Variants in NET1 observed in about 807,000 individuals in gnomAD.
NET1 encodes the protein neuroepithelial cell-transforming gene 1 protein.
NET1 carries 42 observed loss-of-function variants against 61.1 expected under a neutral mutation model. The ratio of observed to expected loss-of-function variants is 0.69; its 90% CI spans 0.54 to 0.89. The LOEUF (loss-of-function observed/expected upper bound fraction) is 0.89, where lower values mean the gene tolerates loss of function less well. Among genes scored for constraint, NET1 ranks in the 40% least tolerant of loss-of-function variants. The pLI is 0.00. For missense variants in NET1, 654 were observed against 747.3 expected, an observed-to-expected ratio of 0.88 and a Z score of 1.46; for synonymous variants, 254 against 281.8, an observed-to-expected ratio of 0.90 and a Z score of 0.99.
At chr10:5,418,877 T>C (rs144183987) in intron 1 of NET1, among the ~76,000 whole-genome samples, 1,791 of 152,350 alleles carry the variant, frequency 0.012, 19 homozygotes, top group Non-Finnish European at 0.017. Flanking sequence ...TTCACTATCA[T>C]TAATCTCAAA....
intron 3 of NET1, among the ~76,000 whole-genome samples, chr10:5,436,544 A>G (rs1251950911): frequency 6.6e-6 from 1 of 151,724 alleles, no homozygotes; most frequent in Non-Finnish European, 1.5e-5. Context: ...CCTGGGGGTT[A>G]TATTTTGAGT....
Position 5,452,926 on chromosome 10 carries a change from T to G in NET1, c.594+6T>G. ...ATCTCAAACTTGCAAGAAAGGTCAG[T>G]AAATAACTTTTTATCAGATGCCCTA... On this transcript the variant is annotated splice_donor_region_variant and intron_variant, in intron 6 of 11. Coordinates refer to ENST00000355029, the MANE Select transcript of NET1 (RefSeq NM_001047160.3). The surrounding 1 kb of genome is among the most constrained non-coding windows in gnomAD (Gnocchi z 4.0). 1 of 1,589,778 alleles carries G rather than the reference T, an allele frequency of 6.3e-7. No homozygotes were observed. The highest frequency in any genetic ancestry group is 8.6e-7 in the Non-Finnish European group (1 of 1,158,416).
In NET1 at chr10:5,416,376, C is replaced by G. The variant is rs951824648; in HGVS notation, c.128+3556C>G. On this transcript the variant is annotated intron_variant, in intron 1 of 11. Transcript: ENST00000355029. The surrounding 1 kb of genome is among the most constrained non-coding windows in gnomAD (Gnocchi z 6.1). ...TTTTCCCAAGATTGTTGTGGCTATC[C>G]TGGGTCTCCTGCAATTCTATGTGAA... 6.6e-6 allele frequency among the ~76,000 whole-genome samples: 1 copy of G among 152,086 alleles called. No homozygotes were observed. Among genetic ancestry groups the G allele is most frequent in the Non-Finnish European group, 1.5e-5 (1 of 68,006 alleles).
rs1832278025 is a variant in NET1 at position 5,427,629 on chromosome 10, CCTTGGGA to C, written c.195+909_195+915del. 1.3e-5 allele frequency among the ~76,000 whole-genome samples: 2 copies of C among 152,094 alleles called. No individual in the cohort carries two copies. The highest frequency in any genetic ancestry group is 2.9e-5 in the Non-Finnish European group (2 of 67,998). ...AATTTTCTGTATCTTCTGGGTATGACCTTGGGATCAGTAAAATATTTCTTGAGTTCCA... is the reference window on the plus strand; with the variant it reads ...AATTTTCTGTATCTTCTGGGTATGACTCAGTAAAATATTTCTTGAGTTCCA... On this transcript the variant is annotated intron_variant, in intron 2 of 11. Coordinates refer to ENST00000355029, the MANE Select transcript of NET1 (RefSeq NM_001047160.3). This position sits in a 1 kb window ranked among gnomAD's most constrained non-coding sequence, Gnocchi z 4.1.
At position 5,441,768 on chromosome 10, in the gene NET1, T is replaced by C. The variant is rs1239131224; in HGVS notation, c.256-10062T>C. Among the ~76,000 whole-genome samples, 2 of 152,244 alleles carry C rather than the reference T, an allele frequency of 1.3e-5. No individual in the cohort carries two copies. The highest frequency in any genetic ancestry group is 4.8e-5 in the African/African-American group (2 of 41,466). On this transcript the variant is annotated intron_variant, in intron 3 of 11. Transcript: ENST00000355029. The surrounding 1 kb of genome is among the most constrained non-coding windows in gnomAD (Gnocchi z 4.6). ...AGATTCAAATCACATATAACTTCATTACTAATTTCTTTCGTACTTATCCAG... is the reference window on the plus strand; with the variant it reads ...AGATTCAAATCACATATAACTTCATCACTAATTTCTTTCGTACTTATCCAG...
intron 3 of NET1, among the ~76,000 whole-genome samples, chr10:5,433,663 A>G (rs1244272227): frequency 2.0e-5 from 3 of 152,184 alleles, no homozygotes; most frequent in African/African-American, 7.2e-5. Flanking sequence ...GGCATAAACT[A>G]TGTCTTTTCA....
chr10:5,449,197 C>T lies in NET1; in HGVS notation c.256-2633C>T, dbSNP rs192817714. ...CTTTACATTTCATAATCACACTTTT[C>T]GTTATTTTAGTCATTAAAATTGTTC... is the stretch of plus-strand genomic sequence containing the variant. On this transcript the variant is annotated intron_variant, in intron 3 of 11. Coordinates refer to ENST00000355029, the MANE Select transcript of NET1 (RefSeq NM_001047160.3). This position sits in a 1 kb window ranked among gnomAD's most constrained non-coding sequence, Gnocchi z 4.4. 1.6e-4 allele frequency among the ~76,000 whole-genome samples: 24 copies of T among 152,138 alleles called. No individual in the cohort carries two copies. The highest frequency in any genetic ancestry group is 5.5e-4 in the African/African-American group (23 of 41,504).
At chr10:5,450,575 T>G (rs993050063) in intron 3 of NET1, among the ~76,000 whole-genome samples, 25 of 152,168 alleles carry the variant, frequency 1.6e-4, no homozygotes, top group Non-Finnish European at 3.5e-4. Flanking sequence ...AAGTTGCTTC[T>G]TCTGTTATTT....
chr10:5,453,733 A>C lies in NET1; in HGVS notation c.768+173A>C, dbSNP rs1037077666. 6.6e-6 allele frequency among the ~76,000 whole-genome samples: 1 copy of C among 152,200 alleles called. No individual in the cohort carries two copies. The highest frequency in any genetic ancestry group is 2.4e-5 in the African/African-American group (1 of 41,440). ...GAAGTTACAGTCTGTTTAAAAAAAA[A>C]AAAAAACACCTTCATTAATGCTATA... is the stretch of plus-strand genomic sequence containing the variant. On this transcript the variant is annotated intron_variant, in intron 8 of 11. Transcript: ENST00000355029. This position sits in a 1 kb window ranked among gnomAD's most constrained non-coding sequence, Gnocchi z 4.9.
chr10:5,448,548 G>A (rs915236553), intron 3 of NET1, among the ~76,000 whole-genome samples: 2 of 152,148 alleles, frequency 1.3e-5, no homozygotes, highest in Non-Finnish European at 2.9e-5. Context: ...TTATGTTAGA[G>A]AGTGTTGGAC....
rs927380015 is a variant in NET1, at chr10:5,458,727, G to A, written c.*1733G>A. ...GGATAGGATAGTAAGGGTAGTAGTG[G>A]CAAAGGATCCTGATTAATTTCAGAT... is the stretch of plus-strand genomic sequence containing the variant. On this transcript the variant is annotated 3_prime_UTR_variant, in exon 12 of 12. Coordinates refer to ENST00000355029, the MANE Select transcript of NET1 (RefSeq NM_001047160.3). The surrounding 1 kb of genome is among the most constrained non-coding windows in gnomAD (Gnocchi z 4.5). 6.6e-6 allele frequency among the ~76,000 whole-genome samples: 1 copy of A among 152,200 alleles called. No homozygotes were observed. Among genetic ancestry groups the A allele is most frequent in the African/African-American group, 2.4e-5 (1 of 41,444 alleles).
At position 5,457,662 on chromosome 10, in the gene NET1, A is replaced by G. The variant is rs1335229723; in HGVS notation, c.*668A>G. 2 of 152,400 alleles carry G rather than the reference A, an allele frequency of 1.3e-5. No individual in the cohort carries two copies. Among genetic ancestry groups the G allele is most frequent in the African/African-American group, 4.8e-5 (2 of 41,384 alleles). 9.4% of individuals were successfully genotyped at this position (152,400 alleles called of 1,614,324 possible). On this transcript the variant is annotated 3_prime_UTR_variant, in exon 12 of 12. Transcript: ENST00000355029. The surrounding 1 kb of genome is among the most constrained non-coding windows in gnomAD (Gnocchi z 5.4). ...ATTTTTTTACTTTGATGCCTTTTCA[A>G]ATTGGCATGTCTTTAAAGTATTTTT... is the stretch of plus-strand genomic sequence containing the variant.
In NET1 at chr10:5,446,783, G is replaced by A; in HGVS notation, c.256-5047G>A. On this transcript the variant is annotated intron_variant, in intron 3 of 11. Transcript: ENST00000355029. The surrounding 1 kb of genome is among the most constrained non-coding windows in gnomAD (Gnocchi z 5.0). ...TGGGAAGCATGGTGGCACATGATGAGACTGGAGGTCTCCTACCTATTAAAA... is the reference window on the plus strand; with the variant it reads ...TGGGAAGCATGGTGGCACATGATGAAACTGGAGGTCTCCTACCTATTAAAA... 1.9e-6 allele frequency: 3 copies of A among 1,607,690 alleles called. No individual in the cohort carries two copies. The highest frequency in any genetic ancestry group is 1.7e-6 in the Non-Finnish European group (2 of 1,176,362).
chr10:5,444,085 T>G lies in NET1; in HGVS notation c.256-7745T>G, dbSNP rs1269149550. The stretch of plus-strand genomic sequence containing the variant: ...GTAGGTAGATCACTGTTCTTAAAAT[T>G]AAGAGTAAAATTAGGAGTCCACAAT... On this transcript the variant is annotated intron_variant, in intron 3 of 11. Coordinates refer to ENST00000355029, the MANE Select transcript of NET1 (RefSeq NM_001047160.3). The surrounding 1 kb of genome is among the most constrained non-coding windows in gnomAD (Gnocchi z 5.3). Among the ~76,000 whole-genome samples, 3 of 152,196 alleles carry G rather than the reference T, an allele frequency of 2.0e-5. No individual in the cohort carries two copies. Among genetic ancestry groups the G allele is most frequent in the Non-Finnish European group, 4.4e-5 (3 of 68,040 alleles).
rs985759011 is a variant in NET1 at position 5,449,818 on chromosome 10, C to G, written c.256-2012C>G. On this transcript the variant is annotated intron_variant, in intron 3 of 11. Transcript: ENST00000355029. This position sits in a 1 kb window ranked among gnomAD's most constrained non-coding sequence, Gnocchi z 4.4. ...CTGGGAAAAGCACCTTTCCAAAGAC[C>G]TTTTAAGTTGAAATTAAATATTATA... is the stretch of plus-strand genomic sequence containing the variant. Among the ~76,000 whole-genome samples the G allele has an allele frequency of 1.3e-5, 2 of 152,100 alleles. No homozygotes were observed. The highest frequency in any genetic ancestry group is 3.8e-4 in the East Asian group (2 of 5,196).
rs1329580883 is a variant in NET1 at position 5,420,615 on chromosome 10, G to A, written c.129-6040G>A. Among the ~76,000 whole-genome samples the A allele has an allele frequency of 1.3e-5, 2 of 151,920 alleles. No individual in the cohort carries two copies. Among genetic ancestry groups the A allele is most frequent in the Admixed American group, 6.6e-5 (1 of 15,264 alleles). On this transcript the variant is annotated intron_variant, in intron 1 of 11. Transcript: ENST00000355029. This position sits in a 1 kb window ranked among gnomAD's most constrained non-coding sequence, Gnocchi z 5.3. ...TTATTTTATTTTTTTATTTATTTTT[G>A]AGATGGAGTCTTGCTCTGTCGCCAG...
Position 5,446,607 on chromosome 10 carries a change from T to G in NET1, c.256-5223T>G, listed in dbSNP as rs1348244398. On this transcript the variant is annotated intron_variant, in intron 3 of 11. Coordinates refer to ENST00000355029, the MANE Select transcript of NET1 (RefSeq NM_001047160.3). This position sits in a 1 kb window ranked among gnomAD's most constrained non-coding sequence, Gnocchi z 5.0. Reference sequence around the variant, plus strand: ...GGTCGGTGCTTGCTGCCTGCGGCTCTCAGAAGCCTCTGCTCCACCGCGGCG... The same window carrying G: ...GGTCGGTGCTTGCTGCCTGCGGCTCGCAGAAGCCTCTGCTCCACCGCGGCG... 6 of 1,229,786 alleles carry G rather than the reference T, an allele frequency of 4.9e-6. No individual in the cohort carries two copies. Among genetic ancestry groups the G allele is most frequent in the Non-Finnish European group, 6.1e-6 (6 of 982,736 alleles). The allele number at this position is 1,229,786 out of a possible 1,614,324, so 76.2% of individuals were successfully genotyped here. A position where few individuals can be genotyped will look rare whatever the true frequency, so the allele number is the denominator to read the frequency against.
At position 5,456,752 on chromosome 10, in the gene NET1, G is replaced by C; in HGVS notation, c.1549G>C (p.Glu517Gln). The C allele has an allele frequency of 6.2e-7, 1 of 1,613,990 alleles. No individual in the cohort carries two copies. The highest frequency in any genetic ancestry group is 8.5e-7 in the Non-Finnish European group (1 of 1,179,978). The part of the protein sequence containing the change: ...GSPPELQGLP[E>Q]LHEECEGNHP... ...TCCACCTGAGCTGCAGGGCCTGCCGGAGCTGCACGAAGAGTGTGAGGGGAA... is the reference window on the plus strand; with the variant it reads ...TCCACCTGAGCTGCAGGGCCTGCCGCAGCTGCACGAAGAGTGTGAGGGGAA... Residue 517 changes from glutamate to glutamine, a missense_variant, in exon 12 of 12, where the codon GAG (glutamate) becomes CAG (glutamine). Transcript: ENST00000355029. The surrounding 1 kb of genome is among the most constrained non-coding windows in gnomAD (Gnocchi z 7.0).
Position 5,452,676 on chromosome 10 carries a change from T to A in NET1, c.531+151T>A. ...GGATGGTGGTCAAATTAAACAACTC[T>A]AATAGGGTAAACTTACCAAACATAC... On this transcript the variant is annotated intron_variant, in intron 5 of 11. Coordinates refer to ENST00000355029, the MANE Select transcript of NET1 (RefSeq NM_001047160.3). This position sits in a 1 kb window ranked among gnomAD's most constrained non-coding sequence, Gnocchi z 4.0. 1.1e-6 allele frequency: 1 copy of A among 938,698 alleles called. No individual in the cohort carries two copies. Among genetic ancestry groups the A allele is most frequent in the Non-Finnish European group, 1.6e-6 (1 of 628,590 alleles). 58.1% of individuals were successfully genotyped at this position (938,698 alleles called of 1,614,324 possible). A position where few individuals can be genotyped will look rare whatever the true frequency, so the allele number is the denominator to read the frequency against.
Sources: allele counts gnomAD v4.1 joint callset (sites outside exome capture counted in the v4.1 genomes callset), GRCh38; gene constraint gnomAD v4.1.1; non-coding constraint Gnocchi (gnomAD v3.1); transcripts MANE v1.5; gene names NCBI Gene and HGNC (gene_info 2026-07-23, HGNC 2026-07-21).